Variants in FBXO25 observed in about 807,000 individuals in gnomAD.
FBXO25 encodes the protein F-box only protein 25.
A neutral mutation model predicts 51.9 loss-of-function variants in FBXO25; 45 were observed. The ratio of observed to expected loss-of-function variants is 0.87; its 90% CI spans 0.68 to 1.11. The LOEUF is 1.11. FBXO25 is among the 50% of genes most tolerant of loss of function. The pLI, the probability that FBXO25 is intolerant of heterozygous loss-of-function variation, is 0.00. For missense variants in FBXO25, 507 were observed against 428.5 expected, an observed-to-expected ratio of 1.18 and a Z score of -1.62; for synonymous variants, 199 against 151.0, an observed-to-expected ratio of 1.32 and a Z score of -2.33.
intron 2 of FBXO25, among the ~76,000 whole-genome samples, chr8:415,365 G>A (rs1796733553): frequency 6.6e-6 from 1 of 152,172 alleles, no homozygotes; most frequent in Non-Finnish European, 1.5e-5. Flanking sequence ...TGATCTGGGG[G>A]CAGCCAGCCA....
chr8:420,271 A>T (rs139611671), intron 2 of FBXO25: 6 of 152,178 alleles, frequency 3.9e-5, no homozygotes, highest in African/African-American at 1.4e-4. Flanking sequence ...TGAAAGAACA[A>T]TCACGAAGCA....
chr8:467,267 G>C (rs1340086813), intron 9 of FBXO25, among the ~76,000 whole-genome samples: 1 of 152,172 alleles, frequency 6.6e-6, no homozygotes, highest in Non-Finnish European at 1.5e-5. Context: ...GGCATGTGTG[G>C]AATTGACTTA....
intron 7 of FBXO25, among the ~76,000 whole-genome samples, chr8:454,389 A>T (rs1799284105): frequency 6.6e-6 from 1 of 152,216 alleles, no homozygotes; most frequent in Admixed American, 6.5e-5. Context: ...CCCCGTCAGC[A>T]CTTCCTAGAT....
Position 451,330 on chromosome 8 carries a change from C to T in FBXO25, c.537C>T (p.Thr179=), listed in dbSNP as rs149790925. 206 of 1,613,818 alleles carry T rather than the reference C, an allele frequency of 1.3e-4. 1 individual carries two copies. In the African/African-American group the frequency reaches 2.5e-3, roughly 20 times the overall value. Residue 179 remains threonine (T), a synonymous_variant, in exon 7 of 10, where the codon ACC becomes ACT. Transcript: ENST00000350302. Reference sequence around the variant, plus strand: ...ATCTTCTGCAAGACCTAAGCTCTACCCTCTGCATTCTTATTAGAGGAGTAG... The same window carrying T: ...ATCTTCTGCAAGACCTAAGCTCTACTCTCTGCATTCTTATTAGAGGAGTAG... ...IKDLLQDLSS[T]LCILIRGVGK... is the part of the protein sequence containing the mutation.
intron 1 of FBXO25, among the ~76,000 whole-genome samples, chr8:410,034 T>C (rs1421241755): frequency 1.3e-5 from 2 of 152,200 alleles, no homozygotes; most frequent in African/African-American, 4.8e-5. Flanking sequence ...ATGATTGATA[T>C]TTTTTGCCTT....
rs1800253836 is a variant in FBXO25, at chr8:467,553, C to G, written c.988-1162C>G. Among the ~76,000 whole-genome samples the G allele has an allele frequency of 4.6e-5, 7 of 152,296 alleles. No individual in the cohort carries two copies. The South Asian group carries it at 1.4e-3, about 32-fold the overall frequency. ...TGAGAACTTGTTTGCTTTTAATAAC[C>G]TTGTACTGTCCAAATTTAGTTACCT... On this transcript the variant is annotated intron_variant, in intron 9 of 9. Transcript: ENST00000350302.
Position 445,886 on chromosome 8 carries a change from A to G in FBXO25, c.382-4104A>G, listed in dbSNP as rs574582250. On this transcript the variant is annotated intron_variant, in intron 5 of 9. Transcript: ENST00000350302. ...AACTCCGTCTCACAAAACAAAACAA[A>G]AAAACAGTAAGGACTGTATGTCTCA... Among the ~76,000 whole-genome samples, 43 of 152,318 alleles carry G rather than the reference A, an allele frequency of 2.8e-4. 1 individual carries two copies. The highest frequency in any genetic ancestry group is 2.7e-3 in the Admixed American group (42 of 15,304).
chr8:452,351 G>C (rs912350019), intron 7 of FBXO25, among the ~76,000 whole-genome samples: 1 of 152,176 alleles, frequency 6.6e-6, no homozygotes, highest in Non-Finnish European at 1.5e-5. Flanking sequence ...TTGTTGTCTT[G>C]GTGTGACCCT....
chr8:474,834 T>G lies in FBXO25; in HGVS notation c.*6030T>G, dbSNP rs1490277658. 1 of 438,694 alleles carries G rather than the reference T, an allele frequency of 2.3e-6. No homozygotes were observed. The highest frequency in any genetic ancestry group is 4.5e-6 in the Non-Finnish European group (1 of 222,634). 27.2% of individuals were successfully genotyped at this position (438,694 alleles called of 1,614,324 possible). ...TTGTTCTTTGATGTACAGAAGTTGT[T>G]TCTTTCTTTTAGTTACCTGTGTGTG... On this transcript the variant is annotated 3_prime_UTR_variant, in exon 10 of 10. Coordinates refer to ENST00000350302, the MANE Select transcript of FBXO25 (RefSeq NM_183420.2).
chr8:413,887 A>G (rs1796639343), intron 2 of FBXO25, among the ~76,000 whole-genome samples: 1 of 152,230 alleles, frequency 6.6e-6, no homozygotes, highest in African/African-American at 2.4e-5. Flanking sequence ...CAGAGACTGC[A>G]TGAGCACAGT....
chr8:458,237 C>T (rs908106520), intron 7 of FBXO25, 132 bp from the exon 8 acceptor site: 39 of 1,012,810 alleles, frequency 3.9e-5, no homozygotes, highest in Middle Eastern at 3.2e-4. Context: ...TGACACCTTG[C>T]GACGCATGAC....
intron 8 of FBXO25, among the ~76,000 whole-genome samples, chr8:461,549 G>A (rs189497127): frequency 2.6e-5 from 4 of 152,236 alleles, no homozygotes; most frequent in South Asian, 2.1e-4. Flanking sequence ...ACCTCCCACC[G>A]GGTCCCTCCC....
intron 1 of FBXO25, among the ~76,000 whole-genome samples, chr8:412,304 G>C (rs1243591007): frequency 6.6e-6 from 1 of 152,116 alleles, no homozygotes. Context: ...TAACTTCCTT[G>C]ATTTCCTCCT....
In FBXO25 at chr8:474,800, C is replaced by G. The variant is rs892882030; in HGVS notation, c.*5996C>G. On this transcript the variant is annotated 3_prime_UTR_variant, in exon 10 of 10. Transcript: ENST00000350302. The stretch of plus-strand genomic sequence containing the variant: ...TTGTCCCATTCCGTGGATTGCCTTT[C>G]ACTCTGTTTTGTTCTTTGATGTACA... The G allele has an allele frequency of 2.3e-6, 1 of 432,274 alleles. No homozygotes were observed. The highest frequency in any genetic ancestry group is 2.1e-5 in the African/African-American group (1 of 48,518). The allele number at this position is 432,274 out of a possible 1,614,324, so 26.8% of individuals were successfully genotyped here.
chr8:426,178 C>A (rs1249752061), intron 2 of FBXO25, among the ~76,000 whole-genome samples: 1 of 152,166 alleles, frequency 6.6e-6, no homozygotes, highest in Non-Finnish European at 1.5e-5. Flanking sequence ...GCATCTGCCT[C>A]TAGTCATTTT....
In FBXO25 at chr8:475,087, T is replaced by C. The variant is rs1585122151; in HGVS notation, c.*6283T>C. On this transcript the variant is annotated 3_prime_UTR_variant, in exon 10 of 10. Transcript: ENST00000350302. ...TCCCTTATGTTTCTCCTAAATGTTTTAGTTTTAGCTCTTAGTTTAGGCCTT... is the reference window on the plus strand; with the variant it reads ...TCCCTTATGTTTCTCCTAAATGTTTCAGTTTTAGCTCTTAGTTTAGGCCTT... 3.5e-5 allele frequency: 13 copies of C among 373,080 alleles called. No individual in the cohort carries two copies. Among genetic ancestry groups the C allele is most frequent in the Middle Eastern group, 7.5e-4 (2 of 2,678 alleles). The allele number at this position is 373,080 out of a possible 1,614,324, so 23.1% of individuals were successfully genotyped here.
At chr8:446,932 A>C (rs1257904391) in intron 5 of FBXO25, among the ~76,000 whole-genome samples, 1 of 152,204 alleles carries the variant, frequency 6.6e-6, no homozygotes, top group Non-Finnish European at 1.5e-5. Context: ...AGGGATGAAA[A>C]AACTCCATTT....
At chr8:421,012 C>T (rs1256497780) in intron 2 of FBXO25, among the ~76,000 whole-genome samples, 3 of 152,242 alleles carry the variant, frequency 2.0e-5, no homozygotes, top group Non-Finnish European at 4.4e-5. Context: ...CAGGGGTCCC[C>T]AACCCCTAGG....
chr8:420,136 C>G (rs1797060693), intron 2 of FBXO25, among the ~76,000 whole-genome samples: 1 of 152,100 alleles, frequency 6.6e-6, no homozygotes, highest in African/African-American at 2.4e-5. Context: ...GGGCAAGCAG[C>G]TGACCAGCTA....
Sources: gnomAD v4.1 joint callset for allele counts (sites outside exome capture counted in the v4.1 genomes callset) on GRCh38, gnomAD v4.1.1 for gene constraint, MANE v1.5 for transcripts, NCBI Gene and HGNC (gene_info 2026-07-23, HGNC 2026-07-21) for gene names.